SNTB2: variants seen among roughly 807,000 people sequenced by gnomAD.
The protein encoded by SNTB2 is syntrophin beta 2, also known as beta-2-syntrophin.
SNTB2 carries 34 observed loss-of-function variants against 46.2 expected under a neutral mutation model. The ratio of observed to expected loss-of-function variants is 0.74; its 90% CI spans 0.56 to 0.98. The LOEUF is 0.98. SNTB2 is among the 50% of genes least tolerant of loss of function. The pLI is 0.00. For synonymous variants in SNTB2, 290 were observed against 312.6 expected (o/e 0.93, Z 0.76); for missense variants, 603 against 731.4 (o/e 0.82, Z 2.02).
chr16:69,272,066 T>A (rs1964942675), intron 4 of SNTB2, among the ~76,000 whole-genome samples: 1 of 150,660 alleles, frequency 6.6e-6, no homozygotes, highest in Non-Finnish European at 1.5e-5. Context: ...TTAGGCAGAG[T>A]CTTCTCAGAT....
intron 4 of SNTB2, among the ~76,000 whole-genome samples, chr16:69,271,723 C>T (rs1964939527): frequency 6.6e-6 from 1 of 152,106 alleles, no homozygotes; most frequent in African/African-American, 2.4e-5. Flanking sequence ...AATCAGCTTA[C>T]ACTTTGGTTC....
At chr16:69,249,315 C>T (rs1430767632) in intron 2 of SNTB2, among the ~76,000 whole-genome samples, 2 of 152,028 alleles carry the variant, frequency 1.3e-5, no homozygotes, top group Admixed American at 6.6e-5. Context: ...CATGAGCCAC[C>T]GCTCCCGGCC....
intron 2 of SNTB2, among the ~76,000 whole-genome samples, chr16:69,247,759 C>T (rs1284784319): frequency 6.6e-6 from 1 of 152,102 alleles, no homozygotes; most frequent in Non-Finnish European, 1.5e-5. Context: ...GAGATAGTAC[C>T]TATAAAGGCC....
Position 69,260,082 on chromosome 16 carries a change from A to G in SNTB2, c.827A>G (p.Asn276Ser), listed in dbSNP as rs957125850. The change falls in exon 3 of 7, where the codon AAC becomes AGC. Residue 276 changes from asparagine to serine, a missense_variant. Asn to Ser is a conservative substitution (Grantham distance 46, BLOSUM62 1). This residue lies in a region of SNTB2 where 537 missense variants were observed against 692.4 expected (regional missense o/e 0.78). Coordinates refer to ENST00000336278, the MANE Select transcript of SNTB2 (RefSeq NM_006750.4). Reference protein sequence around the residue: ...LIELHSPDSRNTLILRCKDTA... With the variant: ...LIELHSPDSRSTLILRCKDTA... The stretch of plus-strand genomic sequence containing the variant: ...GAGCTACATTCTCCTGATAGCAGGA[A>G]CACGTTGATCCTACGCTGCAAAGAT... 14 of 1,613,872 alleles carry G rather than the reference A, an allele frequency of 8.7e-6. No homozygotes were observed. In the South Asian group the frequency reaches 1.2e-4, roughly 14 times the overall value.
intron 1 of SNTB2, among the ~76,000 whole-genome samples, chr16:69,192,352 T>C (rs1964063301): frequency 1.3e-5 from 2 of 152,208 alleles, no homozygotes; most frequent in African/African-American, 4.8e-5. Context: ...TCCAACTGCC[T>C]GTGCATCCAA....
rs1965274261 is a variant in SNTB2, at chr16:69,301,043, G to A, written c.*119G>A. 1.6e-6 allele frequency: 1 copy of A among 635,160 alleles called. No individual in the cohort carries two copies. The highest frequency in any genetic ancestry group is 2.8e-5 in the Admixed American group (1 of 35,850). 39.3% of individuals were successfully genotyped at this position (635,160 alleles called of 1,614,324 possible). A position where few individuals can be genotyped will look rare whatever the true frequency, so the allele number is the denominator to read the frequency against. ...CAGCACAGTGCCTTCCCAAGGACCT[G>A]CAAATAACTGCTGAACCATAACCGT... On this transcript the variant is annotated 3_prime_UTR_variant, in exon 7 of 7. Coordinates refer to ENST00000336278, the MANE Select transcript of SNTB2 (RefSeq NM_006750.4).
chr16:69,287,951 G>A (rs1301365982), intron 5 of SNTB2, among the ~76,000 whole-genome samples: 4 of 151,678 alleles, frequency 2.6e-5, no homozygotes, highest in South Asian at 2.1e-4. Flanking sequence ...TGAGGTGGGC[G>A]GATCACTTGA....
At chr16:69,216,023 C>G (rs1194646392) in intron 1 of SNTB2, among the ~76,000 whole-genome samples, 3 of 152,120 alleles carry the variant, frequency 2.0e-5, no homozygotes, top group African/African-American at 7.2e-5. Context: ...ACCATGTTAC[C>G]CAGGCTGGTC....
At chr16:69,225,258 T>C (rs926030098) in intron 1 of SNTB2, among the ~76,000 whole-genome samples, 1 of 152,252 alleles carries the variant, frequency 6.6e-6, no homozygotes, top group South Asian at 2.1e-4. Flanking sequence ...GAGTGGTTGC[T>C]GACCCTTTGA....
chr16:69,289,159 C>T (rs916570947), intron 5 of SNTB2, among the ~76,000 whole-genome samples: 1 of 151,604 alleles, frequency 6.6e-6, no homozygotes, highest in Non-Finnish European at 1.5e-5. Flanking sequence ...ATCCCTGCTA[C>T]TCGGGAGGCT....
At chr16:69,270,120 T>G (rs756089025) in intron 3 of SNTB2, 23 bp from the exon 4 acceptor site, 59 of 1,613,844 alleles carry the variant, frequency 3.7e-5, no homozygotes, top group Admixed American at 5.0e-5. Flanking sequence ...AGCCCTGATT[T>G]CTGAATTTTT....
At chr16:69,227,248 A>T (rs1416803407) in intron 1 of SNTB2, among the ~76,000 whole-genome samples, 1 of 152,202 alleles carries the variant, frequency 6.6e-6, no homozygotes, top group Non-Finnish European at 1.5e-5. Flanking sequence ...AATTCATCTA[A>T]TCAATATTGA....
intron 1 of SNTB2, among the ~76,000 whole-genome samples, chr16:69,214,757 C>T (rs1483563223): frequency 6.6e-6 from 1 of 151,836 alleles, no homozygotes; most frequent in Non-Finnish European, 1.5e-5. Context: ...GAACTCCTGA[C>T]CTCAGGTGAT....
intron 1 of SNTB2, among the ~76,000 whole-genome samples, chr16:69,232,668 C>T (rs1964519947): frequency 6.6e-6 from 1 of 151,350 alleles, no homozygotes; most frequent in Non-Finnish European, 1.5e-5. Context: ...TGCGCCAACA[C>T]ACCCAGCTAA....
intron 4 of SNTB2, among the ~76,000 whole-genome samples, chr16:69,273,188 G>C (rs554001577): frequency 6.6e-6 from 1 of 152,332 alleles, no homozygotes; most frequent in South Asian, 2.1e-4. Context: ...TTTCTCAAAA[G>C]CTAAACATAG....
chr16:69,289,185 C>T (rs1453051349), intron 5 of SNTB2, among the ~76,000 whole-genome samples: 1 of 150,002 alleles, frequency 6.7e-6, no homozygotes, highest in East Asian at 2.0e-4. Context: ...AAGAGAATTG[C>T]TTGAACCCGG....
At chr16:69,267,970 G>C (rs930764859) in intron 3 of SNTB2, among the ~76,000 whole-genome samples, 3 of 152,214 alleles carry the variant, frequency 2.0e-5, no homozygotes, top group Non-Finnish European at 4.4e-5. Context: ...AACAGTCCTT[G>C]CTCAAATGTC....
In SNTB2 at chr16:69,308,398, T is replaced by C. The variant is rs1238995785; in HGVS notation, c.*7474T>C. On this transcript the variant is annotated 3_prime_UTR_variant, in exon 7 of 7. Transcript: ENST00000336278. ...ATCATTCTCGATGATATTCTCACTTTGTCGCAAATCTGCCCTTATCGTAAG... is the reference window on the plus strand; with the variant it reads ...ATCATTCTCGATGATATTCTCACTTCGTCGCAAATCTGCCCTTATCGTAAG... 6.6e-6 allele frequency: 1 copy of C among 152,594 alleles called. No individual in the cohort carries two copies. Among genetic ancestry groups the C allele is most frequent in the Non-Finnish European group, 1.5e-5 (1 of 68,044 alleles). 9.5% of individuals were successfully genotyped at this position (152,594 alleles called of 1,614,324 possible).
At chr16:69,239,837 G>A (rs1046384123) in intron 1 of SNTB2, among the ~76,000 whole-genome samples, 4 of 152,218 alleles carry the variant, frequency 2.6e-5, no homozygotes, top group Non-Finnish European at 4.4e-5. Flanking sequence ...GAGCCACGAC[G>A]CCTGGCTAGA....
Sources: gnomAD v4.1 joint callset for allele counts (sites outside exome capture counted in the v4.1 genomes callset) on GRCh38, gnomAD v4.1.1 for gene constraint, gnomAD v4.1.1 regional missense constraint, MANE v1.5 for transcripts, NCBI Gene and HGNC (gene_info 2026-07-23, HGNC 2026-07-21) for gene names.